The following DLGAP1 variants were observed in gnomAD, a reference collection of about 807,000 sequenced individuals.
DLGAP1 encodes the protein DLG associated protein 1, also known as disks large-associated protein 1.
Under a neutral mutation model 90.8 loss-of-function variants are expected in DLGAP1, and 11 were observed. The observed-to-expected ratio is 0.12, with a 90% confidence interval of 0.08 to 0.20. DLGAP1 has a LOEUF of 0.20. Among genes scored for constraint, DLGAP1 ranks in the 10% least tolerant of loss-of-function variants. DLGAP1 has a pLI of 1.00. For synonymous variants in DLGAP1, 558 were observed against 540.7 expected (o/e 1.03, Z -0.44); for missense variants, 1,050 against 1,333.8 (o/e 0.79, Z 3.31).
chr18:4,355,073 C>A (rs1428325017), intron 1 of DLGAP1, among the ~76,000 whole-genome samples: 2 of 152,122 alleles, frequency 1.3e-5, no homozygotes, highest in African/African-American at 4.8e-5. Context: ...TTGGCAGTGT[C>A]TTTTAAAACT....
chr18:3,788,363 C>A (rs1202645550), intron 5 of DLGAP1, among the ~76,000 whole-genome samples: 1 of 152,164 alleles, frequency 6.6e-6, no homozygotes, highest in African/African-American at 2.4e-5. Flanking sequence ...GTTTTTGCCT[C>A]ATTCCCCCCT....
intron 7 of DLGAP1, among the ~76,000 whole-genome samples, chr18:3,664,218 C>CACACCCACACA (rs1555620386): frequency 7.9e-5 from 6 of 75,774 alleles, no homozygotes; most frequent in African/African-American, 2.9e-4. Context: ...ACACACACAC[C>CACACCCACACA]CACACACACA....
chr18:3,983,367 C>G (rs1022470937), intron 3 of DLGAP1: 1 of 152,106 alleles, frequency 6.6e-6, no homozygotes, highest in Non-Finnish European at 1.5e-5. Context: ...TCAACATTCC[C>G]CAAATAAAGC....
chr18:3,595,031 C>T (rs946162054), intron 7 of DLGAP1, among the ~76,000 whole-genome samples: 3 of 152,090 alleles, frequency 2.0e-5, no homozygotes, highest in South Asian at 2.1e-4. Context: ...CTCTATGTGG[C>T]GGGAAACACC....
intron 3 of DLGAP1, among the ~76,000 whole-genome samples, chr18:3,897,666 C>T (rs2071660244): frequency 1.3e-5 from 2 of 150,956 alleles, no homozygotes; most frequent in South Asian, 4.2e-4. Flanking sequence ...GAAAGTTTTA[C>T]AAAAACATTG....
chr18:3,629,037 T>A (rs540203769), intron 7 of DLGAP1, among the ~76,000 whole-genome samples: 3 of 152,324 alleles, frequency 2.0e-5, no homozygotes, highest in African/African-American at 7.2e-5. Flanking sequence ...ATAATATTTT[T>A]AAAAATGTGG....
intron 7 of DLGAP1, among the ~76,000 whole-genome samples, chr18:3,685,379 C>G: frequency 6.6e-6 from 1 of 151,642 alleles, no homozygotes; most frequent in East Asian, 1.9e-4. Context: ...CTGGCTAACA[C>G]AGTGAAACCC....
intron 3 of DLGAP1, among the ~76,000 whole-genome samples, chr18:3,914,807 T>C (rs1205244396): frequency 6.6e-6 from 1 of 152,140 alleles, no homozygotes; most frequent in Admixed American, 6.5e-5. Flanking sequence ...TGGAGTGCAA[T>C]GGTGCAGTTT....
rs76011445 is a variant in DLGAP1 at position 4,070,798 on chromosome 18, T to G, written c.-158-65597A>C. On this transcript the variant is annotated intron_variant, in intron 2 of 12. Transcript: ENST00000315677. ...TTATATGAAGTAAAAACAATACGTA[T>G]AAGAAGTTAAAAGTCGTGTTGAGAG... Among the ~76,000 whole-genome samples, 646 of 152,174 alleles carry G rather than the reference T, an allele frequency of 4.2e-3. 11 individuals carry two copies. The highest frequency in any genetic ancestry group is 0.035 in the East Asian group (179 of 5,180).
chr18:4,360,849 G>A (rs141078591), intron 1 of DLGAP1, among the ~76,000 whole-genome samples: 202 of 152,076 alleles, frequency 1.3e-3, no homozygotes, highest in Non-Finnish European at 2.2e-3. Context: ...GCATGGTGGC[G>A]GGCACCTGTA....
chr18:3,889,366 G>A (rs984999980), intron 3 of DLGAP1, among the ~76,000 whole-genome samples: 5 of 151,916 alleles, frequency 3.3e-5, no homozygotes, highest in Non-Finnish European at 7.4e-5. Context: ...AACATGTTCT[G>A]GCATATTCTA....
rs904677092 is a variant in DLGAP1 at position 3,765,977 on chromosome 18, T to C, written c.1173-23465A>G. 4.1e-4 allele frequency among the ~76,000 whole-genome samples: 63 copies of C among 152,108 alleles called. 1 individual carries two copies. The highest frequency in any genetic ancestry group is 1.5e-3 in the African/African-American group (61 of 41,514). ...AATAAACAGAAAACAAAATAAAAAA[T>C]GGCAGACTTAAGCCCTAACATGTCA... On this transcript the variant is annotated intron_variant, in intron 5 of 12. Coordinates refer to ENST00000315677, the MANE Select transcript of DLGAP1 (RefSeq NM_004746.4).
At chr18:4,238,496 A>T (rs2078464510) in intron 1 of DLGAP1, among the ~76,000 whole-genome samples, 1 of 152,200 alleles carries the variant, frequency 6.6e-6, no homozygotes, top group Admixed American at 6.5e-5. Context: ...AAGACGTCTC[A>T]GTGTTGAAAT....
Position 3,568,929 on chromosome 18 carries a change from G to A in DLGAP1, c.1966-1348C>T, listed in dbSNP as rs554933221. Among the ~76,000 whole-genome samples the A allele has an allele frequency of 4.4e-4, 66 of 151,492 alleles. 1 individual carries two copies. The South Asian group carries it at 0.01, about 23-fold the overall frequency. On this transcript the variant is annotated intron_variant, in intron 8 of 12. Coordinates refer to ENST00000315677, the MANE Select transcript of DLGAP1 (RefSeq NM_004746.4). ...TCTCGATCTCCTGACCTCGTGATCC[G>A]CCCGCCTCGGCCTCCCAAAGTGCTG... is the stretch of plus-strand genomic sequence containing the variant.
intron 6 of DLGAP1, among the ~76,000 whole-genome samples, chr18:3,740,544 T>G (rs1182731311): frequency 6.6e-6 from 1 of 152,160 alleles, no homozygotes; most frequent in Non-Finnish European, 1.5e-5. Context: ...GGACTCCATT[T>G]AGAGCAGGGA....
chr18:4,226,683 C>CAAAAAAAA (rs34227245), intron 1 of DLGAP1, among the ~76,000 whole-genome samples: 1 of 125,612 alleles, frequency 8.0e-6, no homozygotes, highest in Non-Finnish European at 1.7e-5. Flanking sequence ...ATGGTAAACT[C>CAAAAAAAA]AAAAAAAAAA....
At chr18:3,880,944 G>GAAAAAAAA (rs1173817359) in intron 3 of DLGAP1, among the ~76,000 whole-genome samples, 8 of 38,308 alleles carry the variant, frequency 2.1e-4, no homozygotes, top group African/African-American at 5.4e-4. Context: ...CTCCATCTCA[G>GAAAAAAAA]AAAAAAAAAA....
At chr18:4,373,516 C>A (rs563460649) in intron 1 of DLGAP1, among the ~76,000 whole-genome samples, 5 of 152,146 alleles carry the variant, frequency 3.3e-5, no homozygotes, top group African/African-American at 1.2e-4. Flanking sequence ...CTGGTGCCCA[C>A]CTCCAGGTTA....
intron 2 of DLGAP1, among the ~76,000 whole-genome samples, chr18:4,035,402 C>A (rs1439630440): frequency 6.6e-6 from 1 of 151,948 alleles, no homozygotes; most frequent in Non-Finnish European, 1.5e-5. Flanking sequence ...AGATAAGATA[C>A]CTGAGTTAGG....
Sources: allele counts gnomAD v4.1 joint callset (sites outside exome capture counted in the v4.1 genomes callset), GRCh38; gene constraint gnomAD v4.1.1; transcripts MANE v1.5; gene names NCBI Gene and HGNC (gene_info 2026-07-23, HGNC 2026-07-21).